The following RIMS1 variants were observed in gnomAD, a reference collection of about 807,000 sequenced individuals.
RIMS1 encodes the protein regulating synaptic membrane exocytosis protein 1.
Under a neutral mutation model 214.1 loss-of-function variants are expected in RIMS1, and 83 were observed. The observed-to-expected ratio is 0.39, with a 90% confidence interval of 0.32 to 0.47. The LOEUF is 0.47. Ranked by LOEUF, RIMS1 falls within the 20% of genes least tolerant of loss-of-function variation. RIMS1 has a pLI of 0.99. For missense variants in RIMS1, 2,050 were observed against 2,161.8 expected (o/e 0.95, Z 1.03); for synonymous variants, 793 against 786.8 (o/e 1.01, Z -0.13).
chr6:72,271,118 T>C (rs2082855589), intron 22 of RIMS1, among the ~76,000 whole-genome samples: 1 of 151,060 alleles, frequency 6.6e-6, no homozygotes, highest in South Asian at 2.1e-4. Flanking sequence ...ATACAAAAAG[T>C]AGCCAGGCGT....
intron 1 of RIMS1, among the ~76,000 whole-genome samples, chr6:71,906,298 C>G (rs537581980): frequency 2.6e-5 from 4 of 152,248 alleles, no homozygotes; most frequent in Non-Finnish European, 4.4e-5. Flanking sequence ...AAATTCTCCT[C>G]TCAGAGTACA....
chr6:72,016,222 AT>A (rs1022757257), intron 2 of RIMS1, among the ~76,000 whole-genome samples: 8 of 152,072 alleles, frequency 5.3e-5, no homozygotes, highest in Non-Finnish European at 8.8e-5. Context: ...TTTGTTGATG[AT>A]TTTTTTATAA....
intron 2 of RIMS1, among the ~76,000 whole-genome samples, chr6:72,045,158 AG>A (rs749497172): frequency 1.3e-5 from 2 of 151,996 alleles, no homozygotes; most frequent in Admixed American, 6.6e-5. Context: ...AAAAATGATA[AG>A]GTCAGAAAAC....
At chr6:71,961,515 T>C (rs944666874) in intron 1 of RIMS1, among the ~76,000 whole-genome samples, 1 of 152,104 alleles carries the variant, frequency 6.6e-6, no homozygotes, top group African/African-American at 2.4e-5. Flanking sequence ...TCAGTACAGC[T>C]TTCATCTATG....
intron 2 of RIMS1, among the ~76,000 whole-genome samples, chr6:72,001,668 T>C (rs972254764): frequency 6.6e-6 from 1 of 152,188 alleles, no homozygotes; most frequent in African/African-American, 2.4e-5. Context: ...GACTAAAACT[T>C]TGACTAATCT....
chr6:72,375,373 C>G (rs2098343761), intron 29 of RIMS1, among the ~76,000 whole-genome samples: 1 of 151,996 alleles, frequency 6.6e-6, no homozygotes, highest in Admixed American at 6.5e-5. Flanking sequence ...TACTTTTTTT[C>G]TCCTCTAAAA....
chr6:72,013,267 G>GA (rs1384435758), intron 2 of RIMS1, among the ~76,000 whole-genome samples: 2 of 151,848 alleles, frequency 1.3e-5, no homozygotes, highest in Non-Finnish European at 2.9e-5. Flanking sequence ...CTTTGCCCAT[G>GA]AAAAAAACAG....
intron 29 of RIMS1, among the ~76,000 whole-genome samples, chr6:72,373,136 G>A (rs12195394): frequency 0.17 from 25,895 of 152,002 alleles, 2,694 homozygotes; most frequent in Non-Finnish European, 0.23. Flanking sequence ...TTTGGATTCC[G>A]TCATTTATTT....
intron 28 of RIMS1, among the ~76,000 whole-genome samples, chr6:72,330,142 A>G (rs532855106): frequency 4.2e-4 from 64 of 151,946 alleles, no homozygotes; most frequent in African/African-American, 1.4e-3. Flanking sequence ...CCATTAGAAT[A>G]AAGTATTTCA....
intron 1 of RIMS1, among the ~76,000 whole-genome samples, chr6:71,914,673 C>T (rs2185876): frequency 0.88 from 134,166 of 152,200 alleles, 59,384 homozygotes; most frequent in East Asian, 0.99. Flanking sequence ...ATAAAACCAC[C>T]GAATCGAGAA....
intron 2 of RIMS1, among the ~76,000 whole-genome samples, chr6:71,981,805 C>G (rs536408459): frequency 6.6e-6 from 1 of 152,014 alleles, no homozygotes; most frequent in African/African-American, 2.4e-5. Context: ...AAATCATTCA[C>G]TTTTTCATTT....
chr6:72,347,563 C>G (rs983854881), intron 29 of RIMS1, among the ~76,000 whole-genome samples: 1 of 146,500 alleles, frequency 6.8e-6, no homozygotes, highest in Admixed American at 6.7e-5. Context: ...ATGTATGTAA[C>G]AGAAAAATAG....
chr6:72,391,202 T>C (rs150181184), intron 30 of RIMS1, among the ~76,000 whole-genome samples: 75 of 152,278 alleles, frequency 4.9e-4, no homozygotes, highest in African/African-American at 1.7e-3. Flanking sequence ...AAGTTACATT[T>C]TCTTGTTTTT....
chr6:71,916,203 T>G (rs904528573), intron 1 of RIMS1, among the ~76,000 whole-genome samples: 2 of 152,132 alleles, frequency 1.3e-5, no homozygotes, highest in African/African-American at 4.8e-5. Context: ...ACTTCCAATG[T>G]GAAGAGTTTA....
At chr6:72,018,773 G>A (rs968307814) in intron 2 of RIMS1, among the ~76,000 whole-genome samples, 2 of 152,202 alleles carry the variant, frequency 1.3e-5, no homozygotes, top group African/African-American at 4.8e-5. Flanking sequence ...GATTAGGATT[G>A]AGATTTGGCC....
intron 3 of RIMS1, among the ~76,000 whole-genome samples, chr6:72,097,786 C>T (rs1178250250): frequency 6.6e-6 from 1 of 152,100 alleles, no homozygotes; most frequent in African/African-American, 2.4e-5. Flanking sequence ...GCTACCTACT[C>T]CTGTTATGCC....
intron 31 of RIMS1, among the ~76,000 whole-genome samples, chr6:72,393,128 A>T (rs2154443533): frequency 6.6e-6 from 1 of 152,198 alleles, no homozygotes; most frequent in Admixed American, 6.5e-5. Context: ...TAGTAACATA[A>T]CTATTTACCT....
chr6:72,363,922 G>A (rs1164767878), intron 29 of RIMS1, among the ~76,000 whole-genome samples: 1 of 152,188 alleles, frequency 6.6e-6, no homozygotes, highest in Non-Finnish European at 1.5e-5. Context: ...GGGGAGGAAA[G>A]GCAACCTCAT....
chr6:72,337,409 A>G (rs2096879058), intron 29 of RIMS1, among the ~76,000 whole-genome samples: 1 of 151,812 alleles, frequency 6.6e-6, no homozygotes, highest in South Asian at 2.1e-4. Flanking sequence ...AATCAGTATC[A>G]TAAGAATGAT....
Sources: gnomAD v4.1 joint callset for allele counts (sites outside exome capture counted in the v4.1 genomes callset) on GRCh38, gnomAD v4.1.1 for gene constraint, MANE v1.5 for transcripts, NCBI Gene and HGNC (gene_info 2026-07-23, HGNC 2026-07-21) for gene names.